TRAIP: variants seen among roughly 807,000 people sequenced by gnomAD.
TRAIP encodes the protein TRAF interacting protein, also known as E3 ubiquitin-protein ligase TRAIP.
In TRAIP, 37 loss-of-function variants were observed where a neutral mutation model predicts 65.0. The observed-to-expected ratio is 0.57, with a 90% confidence interval of 0.44 to 0.75. The LOEUF is 0.75. Among genes scored for constraint, TRAIP ranks in the 30% least tolerant of loss-of-function variants. The pLI is 0.00. For missense variants in TRAIP, 481 were observed against 579.4 expected, an observed-to-expected ratio of 0.83 and a Z score of 1.74; for synonymous variants, 187 against 219.1, an observed-to-expected ratio of 0.85 and a Z score of 1.29.
At position 49,847,446 on chromosome 3, in the gene TRAIP, A is replaced by AAAAAG. The variant is rs1469271391; in HGVS notation, c.240+74_240+78dup. The AAAAAG allele has an allele frequency of 2.1e-5, 19 of 905,362 alleles. No homozygotes were observed. The African/African-American group carries it at 2.4e-4, about 11-fold the overall frequency. The allele number at this position is 905,362 out of a possible 1,614,324, so 56.1% of individuals were successfully genotyped here. Reference sequence around the variant, plus strand: ...AGAGAAGAGAAGAGAAGAGAAGAGAAAAAAGAAAAGAAAAGAAAAAAGAAA... The same window carrying AAAAAG: ...AGAGAAGAGAAGAGAAGAGAAGAGAAAAAAGAAAAGAAAAGAAAAGAAAAAAGAAA... On this transcript the variant is annotated intron_variant, in intron 3 of 14. Transcript: ENST00000331456.
intron 10 of TRAIP, among the ~76,000 whole-genome samples, chr3:49,832,963 G>T (rs904556049): frequency 2.6e-5 from 4 of 152,142 alleles, no homozygotes; most frequent in Non-Finnish European, 5.9e-5. Flanking sequence ...TGATTTGGGT[G>T]GCTAAGCAAT....
chr3:49,839,801 A>T lies in TRAIP; in HGVS notation c.855T>A (p.Ser285Arg), dbSNP rs1352992770. 6.2e-7 allele frequency: 1 copy of T among 1,614,248 alleles called. No individual in the cohort carries two copies. Among genetic ancestry groups the T allele is most frequent in the Non-Finnish European group, 8.5e-7 (1 of 1,180,034 alleles). ...QETLNLPPVA[S>R]ETVDRLVLES... ...CTAAAACCAGGCGGTCGACAGTCTC[A>T]CTGGCCACTGGTGGCAGGTTCAAGG... Residue 285 changes from serine (S) to arginine (R), a missense_variant, in exon 10 of 15, where the codon AGT (serine) becomes AGA (arginine). By Grantham distance (110) the Ser-to-Arg change is moderately radical. Coordinates refer to ENST00000331456, the MANE Select transcript of TRAIP (RefSeq NM_005879.3).
At chr3:49,846,695 A>G (rs1410776850) in intron 3 of TRAIP, among the ~76,000 whole-genome samples, 1 of 152,244 alleles carries the variant, frequency 6.6e-6, no homozygotes, top group Non-Finnish European at 1.5e-5. Context: ...TCTCACCTCT[A>G]TAACTTCATC....
chr3:49,850,964 T>C (rs2081925559), intron 1 of TRAIP, among the ~76,000 whole-genome samples: 1 of 151,364 alleles, frequency 6.6e-6, no homozygotes, highest in African/African-American at 2.4e-5. Context: ...TGCGTTTTCC[T>C]GTTTTCTTTT....
chr3:49,832,059 A>G lies in TRAIP; in HGVS notation c.894T>C (p.Pro298=). The change falls in exon 11 of 15, where the codon CCT becomes CCC. Residue 298 remains proline, a synonymous_variant. Transcript: ENST00000331456. ...GGCGGAGCTTCAGATTCACCTCCACAGGGGCTGGGCTGAAGGCAGAGATGA... is the reference window on the plus strand; with the variant it reads ...GGCGGAGCTTCAGATTCACCTCCACGGGGGCTGGGCTGAAGGCAGAGATGA... ...VDRLVLESPA[P]VEVNLKLRRP... 6.3e-7 allele frequency: 1 copy of G among 1,593,230 alleles called. No individual in the cohort carries two copies. Among genetic ancestry groups the G allele is most frequent in the South Asian group, 1.1e-5 (1 of 88,094 alleles).
rs761091108 is a variant in TRAIP, at chr3:49,856,439, A to G, written c.15T>C (p.Ala5=). 2 of 1,613,910 alleles carry G rather than the reference A, an allele frequency of 1.2e-6. No homozygotes were observed. Among genetic ancestry groups the G allele is most frequent in the African/African-American group, 1.3e-5 (1 of 74,944 alleles). ...AGAAGTCGGAGCAGATAGTGCACAG[A>G]GCACGGATAGGCATGATGGCTGGAC... MPIR[A]LCTICSDFFD... Residue 5 remains alanine, a synonymous_variant, in exon 1 of 15, where the codon GCT becomes GCC. Coordinates refer to ENST00000331456, the MANE Select transcript of TRAIP (RefSeq NM_005879.3).
chr3:49,840,157 A>T, intron 9 of TRAIP, 127 bp downstream of exon 9: 1 of 874,140 alleles, frequency 1.1e-6, no homozygotes, highest in Non-Finnish European at 1.8e-6. Flanking sequence ...ACCCTGACCC[A>T]GGAGGATGCA....
intron 1 of TRAIP, among the ~76,000 whole-genome samples, chr3:49,853,990 CAAA>C (rs779093059): frequency 1.5e-5 from 2 of 134,518 alleles, no homozygotes; most frequent in African/African-American, 2.8e-5. Context: ...GATCCTGTTT[CAAA>C]AAAAAAAAAA....
chr3:49,850,481 A>G (rs2081921031), intron 1 of TRAIP, among the ~76,000 whole-genome samples: 1 of 151,026 alleles, frequency 6.6e-6, no homozygotes, highest in African/African-American at 2.4e-5. Context: ...CGTGAGGGAC[A>G]TAGTGAGACT....
intron 11 of TRAIP, among the ~76,000 whole-genome samples, chr3:49,831,616 T>C (rs2081733499): frequency 6.6e-6 from 1 of 152,220 alleles, no homozygotes; most frequent in South Asian, 2.1e-4. Flanking sequence ...TTCAAGGTAT[T>C]GGGAGCACCC....
chr3:49,848,909 C>T (rs1340567772), intron 1 of TRAIP, among the ~76,000 whole-genome samples: 2 of 151,392 alleles, frequency 1.3e-5, no homozygotes, highest in African/African-American at 2.4e-5. Context: ...TGCAGTGGCA[C>T]GATCTTGGTT....
intron 5 of TRAIP, 79 bp from the exon 6 acceptor site, chr3:49,842,626 C>T: frequency 7.7e-7 from 1 of 1,306,070 alleles, no homozygotes. Context: ...AAACTCTGCT[C>T]CAGAACTCTC....
intron 1 of TRAIP, among the ~76,000 whole-genome samples, chr3:49,848,994 G>A (rs1348312760): frequency 6.6e-6 from 1 of 151,694 alleles, no homozygotes; most frequent in African/African-American, 2.4e-5. Context: ...TTACAGGCAT[G>A]CGCGACCACG....
intron 9 of TRAIP, 92 bp downstream of exon 9, chr3:49,840,192 G>T: frequency 8.4e-7 from 1 of 1,192,896 alleles, no homozygotes. Flanking sequence ...CCACTGACTG[G>T]TGCAAGGGTC....
chr3:49,854,816 G>A (rs1307242141), intron 1 of TRAIP, among the ~76,000 whole-genome samples: 4 of 152,004 alleles, frequency 2.6e-5, no homozygotes, highest in Non-Finnish European at 5.9e-5. Flanking sequence ...TAGCACTTTG[G>A]GAGGCAGAGG....
At position 49,844,534 on chromosome 3, in the gene TRAIP, A is replaced by G; in HGVS notation, c.280+7T>C. The G allele has an allele frequency of 6.2e-7, 1 of 1,613,868 alleles. No individual in the cohort carries two copies. The highest frequency in any genetic ancestry group is 1.3e-5 in the African/African-American group (1 of 75,040). On this transcript the variant is annotated splice_region_variant and intron_variant, in intron 4 of 14. Coordinates refer to ENST00000331456, the MANE Select transcript of TRAIP (RefSeq NM_005879.3). ...TTCCCAGCACCCCTCGTCTCTTGCT[A>G]ACTCACCTTTCTGGGAAAGCTGGGC...
intron 3 of TRAIP, among the ~76,000 whole-genome samples, chr3:49,844,986 G>C (rs111257618): frequency 4.4e-4 from 67 of 152,334 alleles, no homozygotes; most frequent in Middle Eastern, 6.8e-3. Flanking sequence ...GAATGGCCAA[G>C]GACCTTGGGC....
intron 2 of TRAIP, 109 bp from the exon 3 acceptor site, chr3:49,847,717 T>C (rs561518845): frequency 4.1e-5 from 29 of 711,304 alleles, no homozygotes; most frequent in Non-Finnish European, 6.3e-5. Flanking sequence ...GTCAGGCCTG[T>C]TCTCAGACCT....
intron 8 of TRAIP, 69 bp from the exon 9 acceptor site, chr3:49,840,442 TC>T: frequency 7.5e-7 from 1 of 1,327,246 alleles, no homozygotes; most frequent in Non-Finnish European, 1.1e-6. Flanking sequence ...CTCCTGCTGC[TC>T]CCCAGGGAGT....
Sources: gnomAD v4.1 joint callset for allele counts (sites outside exome capture counted in the v4.1 genomes callset) on GRCh38, gnomAD v4.1.1 for gene constraint, MANE v1.5 for transcripts, NCBI Gene and HGNC (gene_info 2026-07-23, HGNC 2026-07-21) for gene names.